XRCC4: variants seen among roughly 807,000 people sequenced by gnomAD.
The protein encoded by XRCC4 is X-ray repair cross complementing 4, also known as DNA repair protein XRCC4.
XRCC4 carries 28 observed loss-of-function variants against 39.1 expected under a neutral mutation model. That is an observed-to-expected ratio of 0.72 (90% confidence interval 0.53 to 0.98). The LOEUF is 0.98. Ranked by LOEUF, XRCC4 falls within the 50% of genes least tolerant of loss-of-function variation. The pLI is 0.00. For missense variants in XRCC4, 350 were observed against 376.4 expected (o/e 0.93, Z 0.58); for synonymous variants, 123 against 126.4 (o/e 0.97, Z 0.18).
intron 7 of XRCC4, among the ~76,000 whole-genome samples, chr5:83,351,969 GTAA>G (rs1358305019): frequency 1.3e-5 from 2 of 152,170 alleles, no homozygotes; most frequent in African/African-American, 4.8e-5. Flanking sequence ...GTATTAGCAG[GTAA>G]TAATAATAGT....
At chr5:83,227,281 A>T (rs902775533) in intron 6 of XRCC4, among the ~76,000 whole-genome samples, 21 of 152,098 alleles carry the variant, frequency 1.4e-4, no homozygotes, top group Admixed American at 1.3e-3. Context: ...TCTTGAAAGT[A>T]ACAGGAATGC....
chr5:83,084,104 T>C (rs1165997590), intron 1 of XRCC4, among the ~76,000 whole-genome samples: 1 of 152,206 alleles, frequency 6.6e-6, no homozygotes, highest in Non-Finnish European at 1.5e-5. Context: ...TTTTAATGCA[T>C]TAATGGCATG....
the XRCC4 span, among the ~76,000 whole-genome samples, chr5:83,371,338 TG>T: frequency 1.3e-5 from 2 of 152,222 alleles, no homozygotes; most frequent in African/African-American, 2.4e-5. Context: ...ACTGCATATT[TG>T]TTTTTCTGAT....
At chr5:83,223,112 G>A (rs2112793367) in intron 6 of XRCC4, among the ~76,000 whole-genome samples, 1 of 152,198 alleles carries the variant, frequency 6.6e-6, no homozygotes, top group South Asian at 2.1e-4. Context: ...ATCTATCCTG[G>A]AAGATATTCC....
At chr5:83,226,466 A>G (rs913775703) in intron 6 of XRCC4, among the ~76,000 whole-genome samples, 1 of 152,042 alleles carries the variant, frequency 6.6e-6, no homozygotes, top group Non-Finnish European at 1.5e-5. Flanking sequence ...GTGTGCCCAA[A>G]TAAAACTACA....
At chr5:83,162,270 T>A (rs1306637357) in intron 3 of XRCC4, among the ~76,000 whole-genome samples, 2 of 152,218 alleles carry the variant, frequency 1.3e-5, no homozygotes, top group African/African-American at 4.8e-5. Flanking sequence ...TTAAGATCGT[T>A]TATTTTCCAC....
chr5:83,230,827 A>T (rs761295343), intron 6 of XRCC4, among the ~76,000 whole-genome samples: 1 of 152,072 alleles, frequency 6.6e-6, no homozygotes, highest in Admixed American at 6.6e-5. Context: ...AACTAAATCT[A>T]TGTTCTCTTG....
rs572101929 is a variant in XRCC4 at position 83,270,793 on chromosome 5, A to T, written c.893+12116A>T. ...AATATATACATATATATATGTATAT[A>T]TTTTTTTTTTGAGACAGAGTCTCAC... is the stretch of plus-strand genomic sequence containing the variant. On this transcript the variant is annotated intron_variant, in intron 7 of 7. Transcript: ENST00000396027. 1.0e-3 allele frequency among the ~76,000 whole-genome samples: 145 copies of T among 144,208 alleles called. No homozygotes were observed. In the Middle Eastern group the frequency reaches 0.014, roughly 14 times the overall value. 94.6% of individuals were successfully genotyped at this position (144,208 alleles called of 152,430 possible).
At chr5:83,330,117 A>G (rs1250073972) in intron 7 of XRCC4, among the ~76,000 whole-genome samples, 1 of 152,074 alleles carries the variant, frequency 6.6e-6, no homozygotes, top group Non-Finnish European at 1.5e-5. Flanking sequence ...GAATTTTTTA[A>G]TTCTACAAAA....
At chr5:83,186,884 T>G (rs192543163) in intron 3 of XRCC4, among the ~76,000 whole-genome samples, 31 of 152,184 alleles carry the variant, frequency 2.0e-4, no homozygotes, top group East Asian at 9.7e-4. Context: ...CCCATTGTCT[T>G]GTCTTTCCCC....
At chr5:83,174,611 G>A (rs1054319007) in intron 3 of XRCC4, among the ~76,000 whole-genome samples, 1 of 152,168 alleles carries the variant, frequency 6.6e-6, no homozygotes, top group African/African-American at 2.4e-5. Flanking sequence ...ACAATTCGCT[G>A]AAGTGGAACT....
Position 83,234,469 on chromosome 5 carries a change from A to G in XRCC4, c.746-24061A>G, listed in dbSNP as rs140366241. Reference sequence around the variant, plus strand: ...TGGAGTGCAGTGGCTGGTCACAGTAAAATCATACCACAGTACAGCCTCGAA... The same window carrying G: ...TGGAGTGCAGTGGCTGGTCACAGTAGAATCATACCACAGTACAGCCTCGAA... On this transcript the variant is annotated intron_variant, in intron 6 of 7. Coordinates refer to ENST00000396027, the MANE Select transcript of XRCC4 (RefSeq NM_003401.5). Among the ~76,000 whole-genome samples, 680 of 152,138 alleles carry G rather than the reference A, an allele frequency of 4.5e-3. 2 individuals are homozygous for G. The highest frequency in any genetic ancestry group is 0.015 in the African/African-American group (626 of 41,490).
chr5:83,296,326 A>G (rs945244279), intron 7 of XRCC4, among the ~76,000 whole-genome samples: 1 of 151,946 alleles, frequency 6.6e-6, no homozygotes, highest in African/African-American at 2.4e-5. Flanking sequence ...ACTTTAATTT[A>G]TTTCAACACA....
chr5:83,180,593 A>G (rs1213979291), intron 3 of XRCC4, among the ~76,000 whole-genome samples: 1 of 152,204 alleles, frequency 6.6e-6, no homozygotes. Flanking sequence ...GGTAACAATA[A>G]GAAAGAACCT....
chr5:83,129,153 T>C (rs989981056), intron 3 of XRCC4, among the ~76,000 whole-genome samples: 4 of 149,936 alleles, frequency 2.7e-5, no homozygotes, highest in African/African-American at 9.9e-5. Context: ...AATTTTTGTA[T>C]AAGGTGTAAG....
At chr5:83,302,257 CAAAA>C (rs778098766) in intron 7 of XRCC4, among the ~76,000 whole-genome samples, 1 of 134,154 alleles carries the variant, frequency 7.5e-6, no homozygotes, top group Non-Finnish European at 1.6e-5. Context: ...AATGGGGTAC[CAAAA>C]AAAAAAAAAA....
At chr5:83,287,664 A>G (rs1459970728) in intron 7 of XRCC4, among the ~76,000 whole-genome samples, 1 of 151,882 alleles carries the variant, frequency 6.6e-6, no homozygotes, top group Non-Finnish European at 1.5e-5. Context: ...TCCTCCCGAA[A>G]ATGTGTAATT....
intron 7 of XRCC4, among the ~76,000 whole-genome samples, chr5:83,350,966 G>A (rs1279870001): frequency 6.6e-6 from 1 of 152,054 alleles, no homozygotes; most frequent in Admixed American, 6.6e-5. Flanking sequence ...AGGGCAATAT[G>A]GTTTGGATTG....
intron 7 of XRCC4, among the ~76,000 whole-genome samples, chr5:83,313,836 TTC>T (rs1156875368): frequency 6.6e-6 from 1 of 152,150 alleles, no homozygotes; most frequent in African/African-American, 2.4e-5. Context: ...TTTAAAATTT[TTC>T]TCTGTAGACC....
Sources: gnomAD v4.1 joint callset for allele counts (sites outside exome capture counted in the v4.1 genomes callset) on GRCh38, gnomAD v4.1.1 for gene constraint, MANE v1.5 for transcripts, NCBI Gene and HGNC (gene_info 2026-07-23, HGNC 2026-07-21) for gene names.